Variants in KCNH1 observed in about 807,000 individuals in gnomAD.
The protein encoded by KCNH1 is voltage-gated delayed rectifier potassium channel KCNH1.
In KCNH1, 27 loss-of-function variants were observed where a neutral mutation model predicts 69.2. The observed-to-expected ratio is 0.39, with a 90% CI of 0.29 to 0.54. The LOEUF (loss-of-function observed/expected upper bound fraction) is 0.54, where lower values mean the gene tolerates loss of function less well. Ranked by LOEUF, KCNH1 falls within the 20% of genes least tolerant of loss-of-function variation. The probability of loss-of-function intolerance (pLI) is 0.68; values close to 1 mark genes in which losing one functional copy is unlikely to be tolerated. For synonymous variants in KCNH1, 456 were observed against 487.7 expected, an observed-to-expected ratio of 0.93 and a Z score of 0.86; for missense variants, 798 against 1,261.6, an observed-to-expected ratio of 0.63 and a Z score of 5.57.
intron 5 of KCNH1, among the ~76,000 whole-genome samples, chr1:211,080,429 A>G (rs1329393478): frequency 6.6e-6 from 1 of 152,236 alleles, no homozygotes; most frequent in Non-Finnish European, 1.5e-5. Flanking sequence ...ATCCCCATCA[A>G]GCTACCAATG....
chr1:211,010,790 A>AG, intron 6 of KCNH1, among the ~76,000 whole-genome samples: 1 of 152,234 alleles, frequency 6.6e-6, no homozygotes, highest in East Asian at 1.9e-4. Context: ...ATCCCCTGCC[A>AG]TCTAAGTCAA....
At chr1:210,874,064 T>C (rs1686312766) in intron 7 of KCNH1, among the ~76,000 whole-genome samples, 1 of 152,186 alleles carries the variant, frequency 6.6e-6, no homozygotes, top group Non-Finnish European at 1.5e-5. Context: ...AAGAAAAGTC[T>C]ACTGAGGTTG....
intron 2 of KCNH1, among the ~76,000 whole-genome samples, chr1:211,106,415 CAG>C (rs1000988452): frequency 1.3e-4 from 20 of 151,080 alleles, no homozygotes; most frequent in African/African-American, 3.6e-4. Flanking sequence ...GCTAAGAGTT[CAG>C]AGAGAGAGAG....
chr1:210,913,227 G>A (rs567313324), intron 7 of KCNH1, among the ~76,000 whole-genome samples: 2 of 152,224 alleles, frequency 1.3e-5, no homozygotes, highest in Admixed American at 1.3e-4. Context: ...GAACTCTAAC[G>A]ATAAATTGGA....
At chr1:210,856,898 T>TATATATATATATATATATAA (rs1410330503) in intron 7 of KCNH1, among the ~76,000 whole-genome samples, 1,519 of 121,352 alleles carry the variant, frequency 0.013, 27 homozygotes, top group Non-Finnish European at 0.019. Flanking sequence ...TATATATATA[T>TATATATATATATATATATAA]AAAATACTCA....
rs1367270160 is a variant in KCNH1, at chr1:210,867,320, TG to T, written c.1462+52319del. Reference sequence around the variant, plus strand: ...ACACACACCTACACATAGAATTATATGTATATGTTTACACACACACACACAC... The same window carrying T: ...ACACACACCTACACATAGAATTATATTATATGTTTACACACACACACACAC... On this transcript the variant is annotated intron_variant, in intron 7 of 10. Transcript: ENST00000271751. Among the ~76,000 whole-genome samples, 6 of 144,302 alleles carry T rather than the reference TG, an allele frequency of 4.2e-5. No homozygotes were observed. The East Asian group carries it at 1.2e-3, about 29-fold the overall frequency. 94.7% of individuals were successfully genotyped at this position (144,302 alleles called of 152,430 possible). A position where few individuals can be genotyped will look rare whatever the true frequency, so the allele number is the denominator to read the frequency against.
chr1:210,853,946 C>CAAAAAACAAAAAAAA (rs1685767340), intron 7 of KCNH1, among the ~76,000 whole-genome samples: 1 of 61,534 alleles, frequency 1.6e-5, no homozygotes, highest in Non-Finnish European at 2.7e-5. Context: ...TTATCTAAGC[C>CAAAAAACAAAAAAAA]AAAAAAAAAA....
rs1319300278 is a variant in KCNH1, at chr1:211,019,074, A to G, written c.741T>C (p.Asn247=). Residue 247 remains asparagine, a synonymous_variant, in exon 6 of 11, where the codon AAT becomes AAC. Coordinates refer to ENST00000271751, the MANE Select transcript of KCNH1 (RefSeq NM_172362.3). ...TGCTATCAACAACCAGCCAGGCCAC[A>G]TTATTCTGCCTGGTTTTGAAGGAGA... ...YNVSFKTRQN[N]VAWLVVDSIV... The G allele has an allele frequency of 8.1e-6, 13 of 1,613,954 alleles. No individual in the cohort carries two copies. Among genetic ancestry groups the G allele is most frequent in the South Asian group, 1.1e-5 (1 of 91,078 alleles).
intron 6 of KCNH1, among the ~76,000 whole-genome samples, chr1:210,940,263 G>A (rs1465230414): frequency 6.6e-6 from 1 of 152,204 alleles, no homozygotes; most frequent in Non-Finnish European, 1.5e-5. Flanking sequence ...ACAAAAGCCA[G>A]GAAGACACAT....
At chr1:211,122,240 G>A (rs1039969107) in intron 1 of KCNH1, among the ~76,000 whole-genome samples, 10 of 151,898 alleles carry the variant, frequency 6.6e-5, no homozygotes, top group Admixed American at 2.0e-4. Flanking sequence ...CAACATCACC[G>A]ATCATCAGAG....
At chr1:210,925,844 C>T (rs1036475799) in intron 6 of KCNH1, among the ~76,000 whole-genome samples, 2 of 152,182 alleles carry the variant, frequency 1.3e-5, no homozygotes, top group African/African-American at 4.8e-5. Context: ...CACTGCCCAC[C>T]ACCTGAGAAA....
At chr1:210,811,726 G>T (rs535851517) in intron 7 of KCNH1, among the ~76,000 whole-genome samples, 1 of 152,100 alleles carries the variant, frequency 6.6e-6, no homozygotes, top group Non-Finnish European at 1.5e-5. Context: ...TTCCAAACCC[G>T]CAAAGTCAAG....
At chr1:210,912,591 A>G (rs1040104530) in intron 7 of KCNH1, among the ~76,000 whole-genome samples, 22 of 152,356 alleles carry the variant, frequency 1.4e-4, no homozygotes, top group African/African-American at 5.0e-4. Flanking sequence ...ATGTGCTGTA[A>G]GAGAGGAAAC....
chr1:210,898,362 C>G (rs1443583166), intron 7 of KCNH1, among the ~76,000 whole-genome samples: 2 of 152,106 alleles, frequency 1.3e-5, no homozygotes, highest in Non-Finnish European at 2.9e-5. Context: ...AAACCTCAGC[C>G]CCACAGAAGG....
rs116643352 is a variant in KCNH1 at position 210,728,109 on chromosome 1, C to T, written c.2113-43971G>A. On this transcript the variant is annotated intron_variant, in intron 10 of 10. Transcript: ENST00000271751. The stretch of plus-strand genomic sequence containing the variant: ...TTAATCTCTCGGGTTGTTATCAGAA[C>T]CTACATTCTAAAATAGGCTCTTCCT... Among the ~76,000 whole-genome samples the T allele has an allele frequency of 6.0e-3, 913 of 152,298 alleles. 3 individuals carry two copies. Among genetic ancestry groups the T allele is most frequent in the Middle Eastern group, 0.017 (5 of 294 alleles).
intron 9 of KCNH1, among the ~76,000 whole-genome samples, chr1:210,792,866 T>TA (rs1684236075): frequency 6.6e-6 from 1 of 152,166 alleles, no homozygotes; most frequent in South Asian, 2.1e-4. Context: ...TTAACACACT[T>TA]ATGCACAGCC....
At chr1:210,740,628 T>C (rs1012540970) in intron 10 of KCNH1, among the ~76,000 whole-genome samples, 1 of 151,826 alleles carries the variant, frequency 6.6e-6, no homozygotes, top group Non-Finnish European at 1.5e-5. Flanking sequence ...GGATTTAAAA[T>C]AGTCATCTCC....
chr1:210,817,266 G>T (rs1394033122), intron 7 of KCNH1, among the ~76,000 whole-genome samples: 1 of 152,142 alleles, frequency 6.6e-6, no homozygotes, highest in Non-Finnish European at 1.5e-5. Context: ...TAAGTCAGTG[G>T]TCCTAATCCT....
At chr1:210,829,298 C>T (rs965275210) in intron 7 of KCNH1, among the ~76,000 whole-genome samples, 1 of 152,180 alleles carries the variant, frequency 6.6e-6, no homozygotes, top group African/African-American at 2.4e-5. Flanking sequence ...GTGTACAGTG[C>T]TTTCCCTATG....
Sources: gnomAD v4.1 joint callset for allele counts (sites outside exome capture counted in the v4.1 genomes callset) on GRCh38, gnomAD v4.1.1 for gene constraint, MANE v1.5 for transcripts, NCBI Gene and HGNC (gene_info 2026-07-23, HGNC 2026-07-21) for gene names.